The following KMT2E variants were observed in gnomAD, a reference collection of about 807,000 sequenced individuals.
KMT2E encodes histone reader KMT2E.
KMT2E carries 30 observed loss-of-function variants against 184.6 expected under a neutral mutation model. The ratio of observed to expected loss-of-function variants is 0.16; its 90% CI spans 0.12 to 0.22. KMT2E has a LOEUF of 0.22. KMT2E is among the 10% of genes least tolerant of loss of function. The pLI is 1.00. For missense variants in KMT2E, 2,023 were observed against 2,237.4 expected (o/e 0.90, Z 1.93); for synonymous variants, 815 against 776.5 (o/e 1.05, Z -0.82).
rs776416576 is a variant in KMT2E, at chr7:105,107,896, A to G, written c.3439A>G (p.Thr1147Ala). The G allele has an allele frequency of 1.2e-6, 2 of 1,613,376 alleles. No homozygotes were observed. Among genetic ancestry groups the G allele is most frequent in the South Asian group, 2.2e-5 (2 of 91,050 alleles). ...TGACAATTTGATCGACGGGAATTGC[A>G]CACCCCAGAATCCACCACAAAAGAA... ...VNDNLIDGNC[T>A]PQNPPQKKKV... Residue 1147 changes from threonine to alanine, a missense_variant, in exon 22 of 27, where the codon ACA becomes GCA. This residue lies in a region of KMT2E where 1,108 missense variants were observed against 1,050.9 expected (regional missense o/e 1.05). Transcript: ENST00000311117.
chr7:105,057,667 G>A (rs1235165746), intron 3 of KMT2E, among the ~76,000 whole-genome samples: 1 of 151,996 alleles, frequency 6.6e-6, no homozygotes, highest in Non-Finnish European at 1.5e-5. Flanking sequence ...TGCCCCGACT[G>A]GTCATGAACT....
At chr7:105,111,756 C>T (rs947328421) in intron 26 of KMT2E, 69 bp from the exon 27 acceptor site, 1 of 1,501,034 alleles carries the variant, frequency 6.7e-7, no homozygotes, top group African/African-American at 1.4e-5. Context: ...GTATTAAATA[C>T]CAACAAGAAT....
intron 15 of KMT2E, among the ~76,000 whole-genome samples, chr7:105,100,684 T>A (rs192714058): frequency 9.8e-5 from 15 of 152,312 alleles, no homozygotes; most frequent in African/African-American, 3.6e-4. Flanking sequence ...GAATACTTTA[T>A]AAGAATTACA....
intron 13 of KMT2E, chr7:105,089,365 A>C (rs2129568828): frequency 3.1e-6 from 1 of 319,008 alleles, no homozygotes; most frequent in South Asian, 2.3e-5. Context: ...TGGCCAGGTA[A>C]TTTTTGTATT....
intron 3 of KMT2E, among the ~76,000 whole-genome samples, chr7:105,043,216 A>G (rs922398151): frequency 2.0e-5 from 3 of 151,450 alleles, no homozygotes; most frequent in African/African-American, 7.3e-5. Context: ...TTTCAGTTCT[A>G]ACTTACTTAA....
Position 105,112,712 on chromosome 7 carries a change from A to G in KMT2E, c.4956A>G (p.Val1652=). 6.2e-7 allele frequency: 1 copy of G among 1,613,844 alleles called. No individual in the cohort carries two copies. Among genetic ancestry groups the G allele is most frequent in the Non-Finnish European group, 8.5e-7 (1 of 1,179,936 alleles). The change falls in exon 27 of 27, where the codon GTA becomes GTG. Residue 1652 remains valine (V), a synonymous_variant. Coordinates refer to ENST00000311117, the MANE Select transcript of KMT2E (RefSeq NM_182931.3). The part of the protein sequence containing the change: ...QQPNSHQQHS[V]AHVVGPVHAV... ...CGAATTCCCATCAGCAACACTCTGT[A>G]GCACATGTAGTAGGGCCTGTTCATG...
chr7:105,079,511 CTTTTTTTTTTTTTTTTTT>C (rs66734303), intron 12 of KMT2E, among the ~76,000 whole-genome samples: 3 of 62,330 alleles, frequency 4.8e-5, no homozygotes. Flanking sequence ...ATTGGACTTC[CTTTTTTTTTTTTTTTTTT>C]TTTTTTTTTT....
In KMT2E at chr7:105,112,739, G is replaced by A. The variant is rs768399838; in HGVS notation, c.4983G>A (p.Ala1661=). ...CACATGTAGTAGGGCCTGTTCATGCGGTCACCCCTGGGTCGCATATTCATT... is the reference window on the plus strand; with the variant it reads ...CACATGTAGTAGGGCCTGTTCATGCAGTCACCCCTGGGTCGCATATTCATT... ...SVAHVVGPVH[A]VTPGSHIHSQ... The change falls in exon 27 of 27, where the codon GCG becomes GCA. Residue 1661 remains alanine (A), a synonymous_variant. Coordinates refer to ENST00000311117, the MANE Select transcript of KMT2E (RefSeq NM_182931.3). 1.9e-5 allele frequency: 31 copies of A among 1,613,130 alleles called. No individual in the cohort carries two copies. The Admixed American group carries it at 3.0e-4, about 16-fold the overall frequency.
intron 15 of KMT2E, among the ~76,000 whole-genome samples, chr7:105,095,065 C>T (rs756101414): frequency 6.6e-6 from 1 of 152,088 alleles, no homozygotes; most frequent in Non-Finnish European, 1.5e-5. Flanking sequence ...CCAAAAAGTG[C>T]ACCAGGGTAT....
In KMT2E at chr7:105,019,535, G is replaced by A. The variant is rs114929611; in HGVS notation, c.-189+5000G>A. On this transcript the variant is annotated intron_variant, in intron 1 of 26. Coordinates refer to ENST00000311117, the MANE Select transcript of KMT2E (RefSeq NM_182931.3). ...AAGATGCCATCAAAACAGACACTAC[G>A]TCTTTTAATGAGTAAATAATTAACC... Among the ~76,000 whole-genome samples, 1,172 of 152,230 alleles carry A rather than the reference G, an allele frequency of 7.7e-3. 24 individuals carry two copies. Among genetic ancestry groups the A allele is most frequent in the African/African-American group, 0.027 (1,134 of 41,520 alleles).
intron 3 of KMT2E, among the ~76,000 whole-genome samples, chr7:105,060,914 T>A (rs1796789800): frequency 6.6e-6 from 1 of 152,202 alleles, no homozygotes; most frequent in African/African-American, 2.4e-5. Flanking sequence ...ACCATCTAGG[T>A]TTGTGTAAAG....
At chr7:105,017,238 T>G (rs1794752989) in intron 1 of KMT2E, among the ~76,000 whole-genome samples, 1 of 152,202 alleles carries the variant, frequency 6.6e-6, no homozygotes, top group African/African-American at 2.4e-5. Context: ...CCCGATGGTT[T>G]TCTTCATAGA....
At chr7:105,018,251 G>A (rs1004015771) in intron 1 of KMT2E, among the ~76,000 whole-genome samples, 45 of 152,198 alleles carry the variant, frequency 3.0e-4, no homozygotes, top group African/African-American at 9.9e-4. Flanking sequence ...TACAACCATA[G>A]TGTGTTTAAA....
chr7:105,067,073 A>AG (rs1797058367), intron 6 of KMT2E, among the ~76,000 whole-genome samples: 1 of 149,498 alleles, frequency 6.7e-6, no homozygotes. Flanking sequence ...TTTTAAAAAA[A>AG]AAAAAAAAAA....
chr7:105,070,135 T>C (rs1209145866), intron 6 of KMT2E, among the ~76,000 whole-genome samples: 1 of 151,862 alleles, frequency 6.6e-6, no homozygotes, highest in Admixed American at 6.5e-5. Context: ...ATAAAGTTTC[T>C]GTGAACATTT....
chr7:105,112,467 C>G lies in KMT2E; in HGVS notation c.4711C>G (p.Gln1571Glu). 1 of 1,613,934 alleles carries G rather than the reference C, an allele frequency of 6.2e-7. No individual in the cohort carries two copies. Among genetic ancestry groups the G allele is most frequent in the Non-Finnish European group, 8.5e-7 (1 of 1,179,980 alleles). The stretch of plus-strand genomic sequence containing the variant: ...CTCTGCAAACTTTCAGAATTATAAT[C>G]AGCTCAAAGGTAGTCTTTCTCAACA... ...QPSANFQNYNQLKGSLSQQTV... is the reference protein window; with the variant it reads ...QPSANFQNYNELKGSLSQQTV... Residue 1571 changes from glutamine (Q) to glutamate (E), a missense_variant, in exon 27 of 27, where the codon CAG becomes GAG. Physicochemically the swap from Gln to Glu is conservative, Grantham distance 29 (BLOSUM62 2). Around this residue, in one of 8 missense-constraint regions of KMT2E, gnomAD observed 1,108 missense variants for 1,050.9 expected, o/e 1.05. Transcript: ENST00000311117.
At chr7:105,020,675 G>C (rs1451008604) in intron 1 of KMT2E, among the ~76,000 whole-genome samples, 1 of 152,112 alleles carries the variant, frequency 6.6e-6, no homozygotes, top group African/African-American at 2.4e-5. Context: ...GTTGACTTTT[G>C]TTTTCATAGG....
chr7:105,082,331 G>A (rs1446076499), intron 13 of KMT2E, among the ~76,000 whole-genome samples: 3 of 152,124 alleles, frequency 2.0e-5, no homozygotes, highest in Admixed American at 2.0e-4. Flanking sequence ...CCAACTGCCT[G>A]CACAGTCCAC....
At chr7:105,023,273 GC>G (rs1210409382) in intron 1 of KMT2E, among the ~76,000 whole-genome samples, 1 of 151,556 alleles carries the variant, frequency 6.6e-6, no homozygotes, top group African/African-American at 2.4e-5. Flanking sequence ...GTGGTGGCGG[GC>G]CCCTGTAATC....
Sources: gnomAD v4.1 joint callset for allele counts (sites outside exome capture counted in the v4.1 genomes callset) on GRCh38, gnomAD v4.1.1 for gene constraint, gnomAD v4.1.1 regional missense constraint, MANE v1.5 for transcripts, NCBI Gene and HGNC (gene_info 2026-07-23, HGNC 2026-07-21) for gene names.